Variants in UBE4B observed in about 807,000 individuals in gnomAD.
UBE4B encodes ubiquitin conjugation factor E4 B.
A neutral mutation model predicts 148.1 loss-of-function variants in UBE4B; 27 were observed. The ratio of observed to expected loss-of-function variants is 0.18; its 90% confidence interval spans 0.13 to 0.25. The LOEUF is 0.25. UBE4B is among the 10% of genes least tolerant of loss of function. The pLI is 1.00. For missense variants in UBE4B, 1,170 were observed against 1,662.4 expected, an observed-to-expected ratio of 0.70 and a Z score of 5.15; for synonymous variants, 596 against 619.3, an observed-to-expected ratio of 0.96 and a Z score of 0.56.
At chr1:10,100,889 G>T (rs1403124387) in intron 3 of UBE4B, 32 of 511,660 alleles carry the variant, frequency 6.3e-5, no homozygotes, top group Non-Finnish European at 2.1e-5. Context: ...CCAAGAAAAT[G>T]ACAACTTAGG....
intron 7 of UBE4B, chr1:10,107,122 TAGTG>T: frequency 8.7e-7 from 1 of 1,146,338 alleles, no homozygotes; most frequent in Non-Finnish European, 1.1e-6. Context: ...CCAAAAGTTT[TAGTG>T]TATGGTTTAT....
intron 1 of UBE4B, among the ~76,000 whole-genome samples, chr1:10,042,872 A>G (rs1643823718): frequency 6.6e-6 from 1 of 152,120 alleles, no homozygotes. Flanking sequence ...GTTCCCAGGT[A>G]AAGGGAACAG....
At chr1:10,104,706 A>C (rs541607772) in intron 5 of UBE4B, among the ~76,000 whole-genome samples, 1 of 152,218 alleles carries the variant, frequency 6.6e-6, no homozygotes, top group Non-Finnish European at 1.5e-5. Context: ...TCTCTGTCTT[A>C]CACATGTAAG....
At chr1:10,088,198 G>C (rs1644792307) in intron 2 of UBE4B, among the ~76,000 whole-genome samples, 1 of 152,132 alleles carries the variant, frequency 6.6e-6, no homozygotes, top group South Asian at 2.1e-4. Context: ...ACTGACTCCA[G>C]ATGTATGATT....
chr1:10,117,444 T>C lies in UBE4B; in HGVS notation c.1197-15T>C. 6.2e-7 allele frequency: 1 copy of C among 1,604,046 alleles called. No individual in the cohort carries two copies. Among genetic ancestry groups the C allele is most frequent in the Non-Finnish European group, 8.5e-7 (1 of 1,177,630 alleles). ...AAGAGATAAGAATCAGAATTTCTTC[T>C]TGTCTTCTCTGAAGTTTGGGAGCCT... On this transcript the variant is annotated splice_polypyrimidine_tract_variant and intron_variant, in intron 7 of 27. Transcript: ENST00000343090.
intron 10 of UBE4B, 111 bp downstream of exon 10, chr1:10,122,187 T>A (rs1645422387): frequency 6.3e-6 from 4 of 632,270 alleles, no homozygotes; most frequent in Admixed American, 3.0e-5. Flanking sequence ...CATGTGTTAT[T>A]AGAGAGAAGG....
At chr1:10,039,705 G>A (rs967491638) in intron 1 of UBE4B, among the ~76,000 whole-genome samples, 4 of 151,948 alleles carry the variant, frequency 2.6e-5, no homozygotes, top group Admixed American at 6.6e-5. Flanking sequence ...CTGCCAAAGT[G>A]CTGGGATTAC....
intron 21 of UBE4B, among the ~76,000 whole-genome samples, chr1:10,156,800 T>C (rs1252056632): frequency 6.6e-6 from 1 of 152,198 alleles, no homozygotes; most frequent in East Asian, 1.9e-4. Flanking sequence ...TAGGTGTTAA[T>C]TATCTTATTT....
At chr1:10,043,283 A>G (rs1194005450) in intron 1 of UBE4B, among the ~76,000 whole-genome samples, 1 of 152,006 alleles carries the variant, frequency 6.6e-6, no homozygotes, top group Non-Finnish European at 1.5e-5. Context: ...TGCCGGGATT[A>G]CAGGTGTGAG....
At chr1:10,037,831 C>T (rs989056534) in intron 1 of UBE4B, among the ~76,000 whole-genome samples, 1 of 151,478 alleles carries the variant, frequency 6.6e-6, no homozygotes. Flanking sequence ...GCTGAGATTA[C>T]AGGCATGAGC....
intron 21 of UBE4B, among the ~76,000 whole-genome samples, chr1:10,156,129 C>T (rs1191746960): frequency 6.6e-6 from 1 of 151,216 alleles, no homozygotes; most frequent in East Asian, 1.9e-4. Context: ...AGAACAAGGA[C>T]CTGGGAATTA....
chr1:10,119,405 G>A, intron 8 of UBE4B, 108 bp from the exon 9 acceptor site: 1 of 1,061,964 alleles, frequency 9.4e-7, no homozygotes. Flanking sequence ...AAAGGAAGAG[G>A]AAAGCACGCT....
intron 7 of UBE4B, chr1:10,107,453 G>T: frequency 8.2e-7 from 1 of 1,219,972 alleles, no homozygotes; most frequent in Non-Finnish European, 1.0e-6. Flanking sequence ...AACAAGGGGC[G>T]TGCTTTGAAT....
At chr1:10,117,374 A>G in intron 7 of UBE4B, 85 bp from the exon 8 acceptor site, 1 of 1,578,820 alleles carries the variant, frequency 6.3e-7, no homozygotes, top group Non-Finnish European at 8.6e-7. Flanking sequence ...CAGGGATCCT[A>G]ACAGGCTTTC....
chr1:10,113,698 C>T (rs550378050), intron 7 of UBE4B, among the ~76,000 whole-genome samples: 8 of 152,124 alleles, frequency 5.3e-5, no homozygotes, highest in South Asian at 2.1e-4. Context: ...TTCACAGGCA[C>T]GCTCACATGC....
intron 2 of UBE4B, among the ~76,000 whole-genome samples, chr1:10,089,859 C>G (rs1305494251): frequency 6.6e-6 from 1 of 151,932 alleles, no homozygotes; most frequent in Non-Finnish European, 1.5e-5. Flanking sequence ...ACCAGCATGT[C>G]TGGCTAATTT....
intron 23 of UBE4B, among the ~76,000 whole-genome samples, chr1:10,163,768 A>T (rs1490230920): frequency 2.0e-5 from 3 of 150,552 alleles, no homozygotes; most frequent in African/African-American, 4.9e-5. Flanking sequence ...ATTATTTTTT[A>T]TTTTATTTTA....
chr1:10,043,277 G>A (rs975549757), intron 1 of UBE4B, among the ~76,000 whole-genome samples: 1 of 151,764 alleles, frequency 6.6e-6, no homozygotes, highest in African/African-American at 2.4e-5. Context: ...CCAAAGTGCC[G>A]GGATTACAGG....
At chr1:10,130,675 T>A in intron 13 of UBE4B, 40 bp from the exon 14 acceptor site, 1 of 1,612,656 alleles carries the variant, frequency 6.2e-7, no homozygotes, top group Non-Finnish European at 8.5e-7. Context: ...TTCCCAAATG[T>A]GCATTATATG....
Sources: allele counts gnomAD v4.1 joint callset (sites outside exome capture counted in the v4.1 genomes callset), GRCh38; gene constraint gnomAD v4.1.1; transcripts MANE v1.5; gene names NCBI Gene and HGNC (gene_info 2026-07-23, HGNC 2026-07-21).